LMX1A: variants seen among roughly 807,000 people sequenced by gnomAD.
LMX1A encodes the protein LIM homeobox transcription factor 1 alpha, also known as LIM homeobox transcription factor 1-alpha.
Under a neutral mutation model 49.1 loss-of-function variants are expected in LMX1A, and 15 were observed. The ratio of observed to expected loss-of-function variants is 0.31; its 90% CI spans 0.20 to 0.47. LMX1A has a LOEUF of 0.47. Ranked by LOEUF, LMX1A falls within the 20% of genes least tolerant of loss-of-function variation. The pLI, the probability that LMX1A is intolerant of heterozygous loss-of-function variation, is 1.00. For missense variants in LMX1A, 372 were observed against 475.8 expected, an observed-to-expected ratio of 0.78 and a Z score of 2.03; for synonymous variants, 167 against 185.7, an observed-to-expected ratio of 0.90 and a Z score of 0.82.
At chr1:165,279,297 C>A (rs1051502785) in intron 3 of LMX1A, among the ~76,000 whole-genome samples, 1 of 152,220 alleles carries the variant, frequency 6.6e-6, no homozygotes, top group Non-Finnish European at 1.5e-5. Flanking sequence ...ACTGCCTCTG[C>A]GGTCAGCAAG....
intron 3 of LMX1A, among the ~76,000 whole-genome samples, chr1:165,291,918 C>T (rs1654477808): frequency 1.3e-5 from 2 of 151,902 alleles, no homozygotes; most frequent in African/African-American, 2.4e-5. Flanking sequence ...AAAAATTAGC[C>T]GGGCATGGTG....
chr1:165,332,681 G>A lies in LMX1A; in HGVS notation c.263+20395C>T, dbSNP rs144301998. The stretch of plus-strand genomic sequence containing the variant: ...AATTTATCAAGCAAACACATCCACC[G>A]TTGCTTATTTTGTTTCTCAACAACA... On this transcript the variant is annotated intron_variant, in intron 3 of 8. Transcript: ENST00000342310. 1.9e-3 allele frequency among the ~76,000 whole-genome samples: 286 copies of A among 152,226 alleles called. 1 individual carries two copies. Among genetic ancestry groups the A allele is most frequent in the East Asian group, 0.016 (81 of 5,194 alleles).
At chr1:165,286,347 C>T (rs1364200706) in intron 3 of LMX1A, among the ~76,000 whole-genome samples, 3 of 152,144 alleles carry the variant, frequency 2.0e-5, no homozygotes, top group Admixed American at 6.5e-5. Flanking sequence ...AGAAATCCCA[C>T]CTGAAAGACA....
At chr1:165,285,410 AC>A (rs1654275923) in intron 3 of LMX1A, among the ~76,000 whole-genome samples, 1 of 152,146 alleles carries the variant, frequency 6.6e-6, no homozygotes, top group South Asian at 2.1e-4. Flanking sequence ...TTCCCATGAT[AC>A]CCACAAAATC....
intron 3 of LMX1A, among the ~76,000 whole-genome samples, chr1:165,299,431 C>T (rs1249741441): frequency 2.0e-5 from 3 of 152,204 alleles, no homozygotes; most frequent in Non-Finnish European, 4.4e-5. Flanking sequence ...TGCTCTCTAT[C>T]CTGGAAAGCC....
intron 4 of LMX1A, among the ~76,000 whole-genome samples, chr1:165,230,243 G>A (rs540462804): frequency 6.6e-5 from 10 of 152,328 alleles, no homozygotes; most frequent in African/African-American, 2.4e-4. Context: ...ATTGCAGCCT[G>A]AGCAGACAAA....
chr1:165,278,277 T>G (rs891547851), intron 3 of LMX1A, among the ~76,000 whole-genome samples: 1 of 152,224 alleles, frequency 6.6e-6, no homozygotes, highest in Non-Finnish European at 1.5e-5. Context: ...GAAGACATCT[T>G]GCTATCAACA....
chr1:165,298,339 G>A (rs573642444), intron 3 of LMX1A, among the ~76,000 whole-genome samples: 1 of 152,328 alleles, frequency 6.6e-6, no homozygotes, highest in South Asian at 2.1e-4. Context: ...TGAAAGGCTT[G>A]CAGGCCCGTC....
chr1:165,237,895 T>A (rs532561708), intron 4 of LMX1A, among the ~76,000 whole-genome samples: 37 of 152,202 alleles, frequency 2.4e-4, no homozygotes, highest in Non-Finnish European at 4.6e-4. Flanking sequence ...TTGGCTGGAA[T>A]GTCAGTGCAA....
chr1:165,242,284 A>G (rs1033378303), intron 4 of LMX1A, among the ~76,000 whole-genome samples: 25 of 152,230 alleles, frequency 1.6e-4, no homozygotes, highest in Non-Finnish European at 3.1e-4. Flanking sequence ...AACATAAAAC[A>G]TTCTTTGCAG....
chr1:165,263,176 C>T (rs1490201743), intron 3 of LMX1A, among the ~76,000 whole-genome samples: 1 of 152,242 alleles, frequency 6.6e-6, no homozygotes, highest in Non-Finnish European at 1.5e-5. Flanking sequence ...AAATATCATA[C>T]ATTTGCTAAA....
chr1:165,236,776 TTAA>T (rs1466515398), intron 4 of LMX1A, among the ~76,000 whole-genome samples: 3 of 2,122 alleles, frequency 1.4e-3, no homozygotes, highest in Non-Finnish European at 3.7e-3. Context: ...TTAGGAAGCT[TTAA>T]AAAAAAAAAA....
intron 3 of LMX1A, among the ~76,000 whole-genome samples, chr1:165,331,785 C>T (rs1655750283): frequency 6.6e-6 from 1 of 152,106 alleles, no homozygotes; most frequent in Non-Finnish European, 1.5e-5. Context: ...GGCATGGTGG[C>T]AGGTGCCTAT....
chr1:165,265,053 A>C (rs1181611015), intron 3 of LMX1A, among the ~76,000 whole-genome samples: 1 of 151,952 alleles, frequency 6.6e-6, no homozygotes, highest in Non-Finnish European at 1.5e-5. Context: ...AATGCAAAAA[A>C]ATTAGCCGGG....
At chr1:165,301,677 T>C (rs1654777925) in intron 3 of LMX1A, among the ~76,000 whole-genome samples, 1 of 152,106 alleles carries the variant, frequency 6.6e-6, no homozygotes, top group Non-Finnish European at 1.5e-5. Flanking sequence ...GGTTCCAAGA[T>C]GTACTTTTAA....
At position 165,218,102 on chromosome 1, in the gene LMX1A, G is replaced by A. The variant is rs190012349; in HGVS notation, c.497-4289C>T. 1.9e-4 allele frequency among the ~76,000 whole-genome samples: 29 copies of A among 152,250 alleles called. No individual in the cohort carries two copies. In the East Asian group the frequency reaches 4.4e-3, roughly 23 times the overall value. On this transcript the variant is annotated intron_variant, in intron 4 of 8. Coordinates refer to ENST00000342310, the MANE Select transcript of LMX1A (RefSeq NM_177398.4). ...CCAATAAAATGTATTTCAAAAACAG[G>A]CATCAGGCCAGATTTGGCCTGCATA...
At chr1:165,213,847 T>TTCA (rs1178918815) in intron 4 of LMX1A, 34 bp from the exon 5 acceptor site, 7 of 1,602,102 alleles carry the variant, frequency 4.4e-6, no homozygotes. Flanking sequence ...TGTGAGTCCC[T>TTCA]GAAAGCCAGT....
At chr1:165,285,219 C>A (rs1654271475) in intron 3 of LMX1A, among the ~76,000 whole-genome samples, 1 of 152,124 alleles carries the variant, frequency 6.6e-6, no homozygotes, top group South Asian at 2.1e-4. Context: ...CATAGCACAC[C>A]CAGAAGGAAA....
chr1:165,262,457 C>T lies in LMX1A; in HGVS notation c.264-12817G>A, dbSNP rs1653471919. On this transcript the variant is annotated intron_variant, in intron 3 of 8. Transcript: ENST00000342310. ...GAGCAGTTACACCTTCCTTGGACTT[C>T]CTACTTCTGGACTCCCTCTTCGTGA... Among the ~76,000 whole-genome samples, 9 of 152,194 alleles carry T rather than the reference C, an allele frequency of 5.9e-5. No homozygotes were observed. The South Asian group carries it at 1.9e-3, about 32-fold the overall frequency.
Sources: gnomAD v4.1 joint callset for allele counts (sites outside exome capture counted in the v4.1 genomes callset) on GRCh38, gnomAD v4.1.1 for gene constraint, MANE v1.5 for transcripts, NCBI Gene and HGNC (gene_info 2026-07-23, HGNC 2026-07-21) for gene names.